KLRG1: variants seen among roughly 807,000 people sequenced by gnomAD.
The protein encoded by KLRG1 is killer cell lectin like receptor G1, also known as killer cell lectin-like receptor subfamily G member 1.
In KLRG1, 16 loss-of-function variants were observed where a neutral mutation model predicts 21.8. That is an observed-to-expected ratio of 0.73 (90% confidence interval 0.50 to 1.11). The LOEUF (loss-of-function observed/expected upper bound fraction) is 1.11. Ranked by LOEUF, KLRG1 falls within the 50% of genes most tolerant of loss-of-function variation. The probability of loss-of-function intolerance (pLI) is 0.00; values close to 1 mark genes in which losing one functional copy is unlikely to be tolerated. For synonymous variants in KLRG1, 69 were observed against 75.9 expected, an observed-to-expected ratio of 0.91 and a Z score of 0.47; for missense variants, 173 against 218.3, an observed-to-expected ratio of 0.79 and a Z score of 1.31.
At chr12:9,112,503 A>G in the KLRG1 span, 847 of 1,613,762 alleles carry the variant, frequency 5.2e-4, 6 homozygotes, top group African/African-American at 1.0e-2. Flanking sequence ...ACAGTGAGGA[A>G]CATTACCTCC....
chr12:8,995,563 T>G (rs140286716), intron 3 of KLRG1, among the ~76,000 whole-genome samples: 4 of 152,154 alleles, frequency 2.6e-5, no homozygotes, highest in African/African-American at 9.6e-5. Flanking sequence ...TAAGTGTGTA[T>G]GTGGGGCAAG....
chr12:8,967,445 G>T (rs373651952), intron 1 of KLRG1, among the ~76,000 whole-genome samples: 32 of 152,114 alleles, frequency 2.1e-4, no homozygotes, highest in African/African-American at 7.2e-4. Context: ...AACCAGGCTG[G>T]GCCAGGTGGC....
chr12:8,957,973 T>C (rs894907525), intron 1 of KLRG1, among the ~76,000 whole-genome samples: 2 of 152,250 alleles, frequency 1.3e-5, no homozygotes, highest in Admixed American at 6.5e-5. Context: ...ATCGTATTTC[T>C]CATCTTATTC....
the KLRG1 span, among the ~76,000 whole-genome samples, chr12:9,085,983 A>G: frequency 0.53 from 81,126 of 151,950 alleles, 22,811 homozygotes; most frequent in African/African-American, 0.69. Flanking sequence ...TAATGAGTAA[A>G]GAGATTGAAT....
the KLRG1 span, chr12:9,162,619 G>A: frequency 1.9e-6 from 3 of 1,596,296 alleles, no homozygotes; most frequent in African/African-American, 1.3e-5. Flanking sequence ...TCATAGAACT[G>A]AAAGTCTTTT....
At chr12:9,204,801 A>T in the KLRG1 span, among the ~76,000 whole-genome samples, 2 of 152,172 alleles carry the variant, frequency 1.3e-5, no homozygotes, top group East Asian at 3.8e-4. Flanking sequence ...ATAAAAAAAA[A>T]CAAACAGGTT....
rs1946190283 is a variant in KLRG1 at position 8,950,944 on chromosome 12, A to G, written c.-156+708A>G. Among the ~76,000 whole-genome samples the G allele has an allele frequency of 3.9e-5, 6 of 151,908 alleles. No individual in the cohort carries two copies. The South Asian group carries it at 1.2e-3, about 31-fold the overall frequency. On this transcript the variant is annotated intron_variant, in intron 1 of 4. Transcript: ENST00000539240. Reference sequence around the variant, plus strand: ...TGCTCTCAAGCACTACGCTTTACCGACTGTATGCCATTCTGCATTTCTTTG... The same window carrying G: ...TGCTCTCAAGCACTACGCTTTACCGGCTGTATGCCATTCTGCATTTCTTTG...
chr12:9,108,027 A>C, the KLRG1 span, among the ~76,000 whole-genome samples: 2 of 152,202 alleles, frequency 1.3e-5, no homozygotes, highest in African/African-American at 4.8e-5. Flanking sequence ...AATACAAACT[A>C]TTAGTACGAT....
At chr12:9,208,604 T>C in the KLRG1 span, among the ~76,000 whole-genome samples, 3 of 152,154 alleles carry the variant, frequency 2.0e-5, no homozygotes, top group Non-Finnish European at 4.4e-5. Context: ...TAGAATGAGC[T>C]TTGACAGCAA....
At chr12:9,012,823 A>C (rs1450032768), downstream of KLRG1, among the ~76,000 whole-genome samples, 1 of 151,916 alleles carries the variant, frequency 6.6e-6, no homozygotes, top group Non-Finnish European at 1.5e-5. Flanking sequence ...ATTCACCATA[A>C]GCTTACTGAA....
chr12:9,176,666 A>G, the KLRG1 span, among the ~76,000 whole-genome samples: 1 of 152,200 alleles, frequency 6.6e-6, no homozygotes, highest in African/African-American at 2.4e-5. Flanking sequence ...CCCTGGACAG[A>G]TGTAAGATTG....
the KLRG1 span, among the ~76,000 whole-genome samples, chr12:9,154,206 G>T: frequency 6.6e-6 from 1 of 152,298 alleles, no homozygotes; most frequent in East Asian, 1.9e-4. Context: ...TGTTTCAACT[G>T]GAAGTGACGT....
the KLRG1 span, chr12:9,168,696 G>T: frequency 7.6e-6 from 4 of 523,384 alleles, no homozygotes; most frequent in Non-Finnish European, 1.3e-5. Context: ...AAAAATCTCT[G>T]ATCAGTTCTA....
chr12:9,151,800 G>A, the KLRG1 span: 1 of 675,626 alleles, frequency 1.5e-6, no homozygotes, highest in Non-Finnish European at 2.5e-6. Context: ...TTGTTTTCAG[G>A]TCAGGAGTTC....
chr12:9,086,419 C>T, the KLRG1 span, among the ~76,000 whole-genome samples: 8 of 152,220 alleles, frequency 5.3e-5, no homozygotes, highest in African/African-American at 1.9e-4. Context: ...CTAAATCCAA[C>T]AATACAGTAA....
the KLRG1 span, among the ~76,000 whole-genome samples, chr12:9,204,759 C>T: frequency 6.6e-5 from 10 of 151,948 alleles, no homozygotes; most frequent in East Asian, 1.9e-4. Context: ...ATGTTTGTTT[C>T]GAATCACATG....
At chr12:8,961,824 G>C (rs187842799) in intron 1 of KLRG1, among the ~76,000 whole-genome samples, 1 of 152,292 alleles carries the variant, frequency 6.6e-6, no homozygotes, top group Non-Finnish European at 1.5e-5. Flanking sequence ...GGTGGCTGTC[G>C]TCTGTAATCC....
At chr12:9,102,472 T>C in the KLRG1 span, among the ~76,000 whole-genome samples, 1 of 152,130 alleles carries the variant, frequency 6.6e-6, no homozygotes, top group Admixed American at 6.5e-5. Flanking sequence ...CACCTCAGCC[T>C]CCCAAAGTGC....
chr12:9,137,500 T>C, the KLRG1 span, among the ~76,000 whole-genome samples: 6 of 152,242 alleles, frequency 3.9e-5, no homozygotes, highest in East Asian at 1.2e-3. Flanking sequence ...ATTGATTTTG[T>C]TATTTGTGGT....
Sources: allele counts gnomAD v4.1 joint callset (sites outside exome capture counted in the v4.1 genomes callset), GRCh38; gene constraint gnomAD v4.1.1; transcripts MANE v1.5; gene names NCBI Gene and HGNC (gene_info 2026-07-23, HGNC 2026-07-21).